KLHL1: variants seen among roughly 807,000 people sequenced by gnomAD.
KLHL1 encodes the protein kelch-like protein 1.
KLHL1 carries 47 observed loss-of-function variants against 77.7 expected under a neutral mutation model. The ratio of observed to expected loss-of-function variants is 0.60; its 90% confidence interval spans 0.48 to 0.77. The LOEUF (loss-of-function observed/expected upper bound fraction) is 0.77. KLHL1 is among the 30% of genes least tolerant of loss of function. The pLI, the probability that KLHL1 is intolerant of heterozygous loss-of-function variation, is 0.00. For synonymous variants in KLHL1, 360 were observed against 325.2 expected (o/e 1.11, Z -1.15); for missense variants, 925 against 910.8 (o/e 1.02, Z -0.20).
chr13:69,945,659 T>A lies in KLHL1; in HGVS notation c.818-5423A>T, dbSNP rs144158064. 1.1e-3 allele frequency among the ~76,000 whole-genome samples: 162 copies of A among 152,146 alleles called. 2 individuals are homozygous for A. Among genetic ancestry groups the A allele is most frequent in the Non-Finnish European group, 1.9e-3 (131 of 68,012 alleles). On this transcript the variant is annotated intron_variant, in intron 3 of 10. Transcript: ENST00000377844. ...CAAAAGAAAATATATGAACAAAAAATGCTCAATATTATCAGTGCTTCAGAA... is the reference window on the plus strand; with the variant it reads ...CAAAAGAAAATATATGAACAAAAAAAGCTCAATATTATCAGTGCTTCAGAA...
chr13:69,996,910 A>ATTTTTTTTTTTTTTTTTTTTTT (rs10549532), intron 1 of KLHL1, among the ~76,000 whole-genome samples: 7 of 71,236 alleles, frequency 9.8e-5, no homozygotes, highest in Admixed American at 2.3e-4. Context: ...TATTCATTAA[A>ATTTTTTTTTTTTTTTTTTTTTT]TTTTTTTTTT....
intron 5 of KLHL1, among the ~76,000 whole-genome samples, chr13:69,870,035 T>C (rs1316723672): frequency 6.6e-6 from 1 of 152,174 alleles, no homozygotes; most frequent in Non-Finnish European, 1.5e-5. Context: ...TTAGACATTA[T>C]AAAAATGTAT....
At chr13:69,713,811 A>T (rs1875988809) in intron 9 of KLHL1, among the ~76,000 whole-genome samples, 1 of 152,118 alleles carries the variant, frequency 6.6e-6, no homozygotes, top group Admixed American at 6.6e-5. Flanking sequence ...GTTGGTACAC[A>T]TGGTATTTCT....
chr13:69,735,356 T>C (rs1873720933), intron 8 of KLHL1, among the ~76,000 whole-genome samples: 1 of 151,272 alleles, frequency 6.6e-6, no homozygotes, highest in African/African-American at 2.4e-5. Flanking sequence ...AGGTAATCAT[T>C]CTAAAAATAT....
At chr13:69,815,393 G>A (rs187878402) in intron 6 of KLHL1, among the ~76,000 whole-genome samples, 5 of 152,262 alleles carry the variant, frequency 3.3e-5, no homozygotes, top group East Asian at 1.9e-4. Context: ...ATGAAATCAC[G>A]TCCTTTGCAG....
rs140727885 is a variant in KLHL1, at chr13:69,852,947, T to G, written c.1228-13785A>C. Among the ~76,000 whole-genome samples, 118 of 152,104 alleles carry G rather than the reference T, an allele frequency of 7.8e-4. 2 individuals are homozygous for G. Among genetic ancestry groups the G allele is most frequent in the African/African-American group, 2.8e-3 (116 of 41,542 alleles). On this transcript the variant is annotated intron_variant, in intron 5 of 10. Transcript: ENST00000377844. ...TGTGTCAAACCCTATGCCAGACACT[T>G]TGGAGTGTGCAAAGATAATTTATTG...
intron 7 of KLHL1, among the ~76,000 whole-genome samples, chr13:69,773,414 T>G (rs956854024): frequency 1.3e-5 from 2 of 152,052 alleles, no homozygotes; most frequent in African/African-American, 4.8e-5. Context: ...AGAATAGAAC[T>G]TCCTATATTT....
intron 3 of KLHL1, among the ~76,000 whole-genome samples, chr13:69,941,199 A>G (rs1883355462): frequency 6.6e-6 from 1 of 152,038 alleles, no homozygotes. Flanking sequence ...TCCAAGATAG[A>G]CCAGGAACAA....
chr13:69,946,706 T>G (rs74343642), intron 3 of KLHL1, among the ~76,000 whole-genome samples: 4,121 of 152,180 alleles, frequency 0.027, 63 homozygotes, highest in Middle Eastern at 0.055. Flanking sequence ...AGCAATTAGG[T>G]GTTGCTATGT....
At chr13:70,001,767 T>C (rs1237608944) in intron 1 of KLHL1, among the ~76,000 whole-genome samples, 3 of 151,576 alleles carry the variant, frequency 2.0e-5, no homozygotes, top group Admixed American at 6.6e-5. Flanking sequence ...AATAAAACTA[T>C]GTCAGTAGAC....
chr13:70,028,792 T>C (rs1236748716), intron 1 of KLHL1, among the ~76,000 whole-genome samples: 1 of 151,896 alleles, frequency 6.6e-6, no homozygotes, highest in Non-Finnish European at 1.5e-5. Context: ...ACCTTCGCAA[T>C]GTGGCGAAAC....
chr13:69,715,521 AT>A (rs67739818), intron 9 of KLHL1, among the ~76,000 whole-genome samples: 81,730 of 120,838 alleles, frequency 0.68, 23,044 homozygotes, highest in East Asian at 0.76. Flanking sequence ...CAGTTTTATT[AT>A]TTATTTTTTT....
intron 1 of KLHL1, among the ~76,000 whole-genome samples, chr13:70,057,782 CAAAAAAAAAAA>C (rs60920874): frequency 3.2e-5 from 2 of 62,272 alleles, no homozygotes; most frequent in Non-Finnish European, 5.5e-5. Flanking sequence ...GACTCCGTCT[CAAAAAAAAAAA>C]AAAAAAAAAA....
At position 69,969,434 on chromosome 13, in the gene KLHL1, G is replaced by A. The variant is rs147152417; in HGVS notation, c.680+6186C>T. 7.5e-4 allele frequency among the ~76,000 whole-genome samples: 114 copies of A among 152,004 alleles called. 1 individual carries two copies. Among genetic ancestry groups the A allele is most frequent in the African/African-American group, 2.6e-3 (109 of 41,510 alleles). On this transcript the variant is annotated intron_variant, in intron 2 of 10. Coordinates refer to ENST00000377844, the MANE Select transcript of KLHL1 (RefSeq NM_020866.3). ...CCAATTAGATAAATTAGTGTCAGAT[G>A]GTGAGTTTTATCAAAAGCATTAATT... is the stretch of plus-strand genomic sequence containing the variant.
At position 70,108,296 on chromosome 13, in the gene KLHL1, C is replaced by A; in HGVS notation, c.-597G>T. Reference sequence around the variant, plus strand: ...GCCTTTTCGAGGATGCCCCGATAGCCTGCCGGGTGGCTCTGAGAAAGTCAA... The same window carrying A: ...GCCTTTTCGAGGATGCCCCGATAGCATGCCGGGTGGCTCTGAGAAAGTCAA... On this transcript the variant is annotated 5_prime_UTR_variant, in exon 1 of 11. The change creates a new upstream start codon in the 5' untranslated region. Transcript: ENST00000377844. The A allele has an allele frequency of 2.8e-6, 1 of 355,350 alleles. No individual in the cohort carries two copies. Among genetic ancestry groups the A allele is most frequent in the East Asian group, 4.3e-5 (1 of 23,392 alleles). The allele number at this position is 355,350 out of a possible 1,614,324, so 22.0% of individuals were successfully genotyped here.
At chr13:69,959,750 G>C (rs1344038848) in intron 3 of KLHL1, among the ~76,000 whole-genome samples, 1 of 151,828 alleles carries the variant, frequency 6.6e-6, no homozygotes. Flanking sequence ...TTCTGGAGGA[G>C]AGTAGAAGAC....
chr13:69,772,399 ACC>A (rs1875616140), intron 7 of KLHL1, among the ~76,000 whole-genome samples: 4 of 152,274 alleles, frequency 2.6e-5, no homozygotes, highest in African/African-American at 9.6e-5. Context: ...ATCAAGCATT[ACC>A]TATATAAAAT....
At chr13:70,027,368 G>T (rs1039093230) in intron 1 of KLHL1, among the ~76,000 whole-genome samples, 3 of 124,632 alleles carry the variant, frequency 2.4e-5, no homozygotes, top group Non-Finnish European at 5.2e-5. Context: ...TCCCTTTAGA[G>T]CCAGTTGAAA....
intron 6 of KLHL1, among the ~76,000 whole-genome samples, chr13:69,805,691 C>CA (rs55988841): frequency 0.036 from 4,785 of 133,892 alleles, 112 homozygotes; most frequent in Middle Eastern, 0.078. Context: ...TGAAAAAAAA[C>CA]AAAAAAAAAA....
Sources: gnomAD v4.1 joint callset for allele counts (sites outside exome capture counted in the v4.1 genomes callset) on GRCh38, gnomAD v4.1.1 for gene constraint, MANE v1.5 for transcripts, NCBI Gene and HGNC (gene_info 2026-07-23, HGNC 2026-07-21) for gene names.